The following ZNF74 variants were observed in gnomAD, a reference collection of about 807,000 sequenced individuals.
The protein encoded by ZNF74 is zinc finger protein 520.
ZNF74 carries 12 observed loss-of-function variants against 17.7 expected under a neutral mutation model. That is an observed-to-expected ratio of 0.68 (90% CI 0.43 to 1.10). The LOEUF is 1.10. Among genes scored for constraint, ZNF74 ranks in the 50% least tolerant of loss-of-function variants. ZNF74 has a pLI of 0.00. For synonymous variants in ZNF74, 358 were observed against 362.1 expected (o/e 0.99, Z 0.13); for missense variants, 811 against 881.0 (o/e 0.92, Z 1.01).
chr22:20,400,359 C>G (rs754150502), intron 2 of ZNF74: 15 of 446,844 alleles, frequency 3.4e-5, no homozygotes, highest in Non-Finnish European at 5.8e-5. Flanking sequence ...GCCCCTGGGT[C>G]CCACCGCAAG....
chr22:20,402,584 C>T (rs1329923905), intron 4 of ZNF74, among the ~76,000 whole-genome samples: 1 of 151,950 alleles, frequency 6.6e-6, no homozygotes, highest in Non-Finnish European at 1.5e-5. Context: ...GGCAGATCAC[C>T]TGAGGTCAGG....
intron 2 of ZNF74, 101 bp from the exon 3 acceptor site, chr22:20,400,531 G>C: frequency 6.9e-7 from 1 of 1,457,760 alleles, no homozygotes; most frequent in South Asian, 1.1e-5. Flanking sequence ...AAGGTCACCT[G>C]AGGTTAACCC....
intron 2 of ZNF74, among the ~76,000 whole-genome samples, chr22:20,397,602 A>T (rs903585057): frequency 6.6e-6 from 1 of 152,028 alleles, no homozygotes; most frequent in Non-Finnish European, 1.5e-5. Context: ...CTCTTTAAGG[A>T]TTTCATATGG....
At chr22:20,398,810 G>A (rs547669001) in intron 2 of ZNF74, among the ~76,000 whole-genome samples, 9 of 130,134 alleles carry the variant, frequency 6.9e-5, no homozygotes, top group Admixed American at 2.3e-4. Context: ...AGCATTCAGC[G>A]TTGTAAATTT....
intron 2 of ZNF74, chr22:20,399,447 T>C (rs748667544): frequency 3.8e-5 from 9 of 239,488 alleles, no homozygotes; most frequent in Non-Finnish European, 6.7e-5. Context: ...AACCTATCTT[T>C]GTATGTAAAG....
At chr22:20,395,465 T>C (rs1569090459) in intron 2 of ZNF74, 47 bp downstream of exon 2, 1 of 1,440,276 alleles carries the variant, frequency 6.9e-7, no homozygotes, top group East Asian at 2.3e-5. Flanking sequence ...GGTTGGCACA[T>C]TCCCTCCCCA....
chr22:20,398,357 C>A (rs362244), intron 2 of ZNF74, among the ~76,000 whole-genome samples: 3 of 149,324 alleles, frequency 2.0e-5, no homozygotes, highest in Admixed American at 6.7e-5. Flanking sequence ...TCGGAGTTAC[C>A]AAGCATTGAG....
At position 20,400,694 on chromosome 22, in the gene ZNF74, C is replaced by T. The variant is rs779966901; in HGVS notation, c.183C>T (p.Asp61=). The change falls in exon 3 of 5, where the codon GAC becomes GAT. Residue 61 remains aspartate, a synonymous_variant. Coordinates refer to ENST00000400451, the MANE Select transcript of ZNF74 (RefSeq NM_003426.4). ...CCCAGGAGGAGTGGGGTCAACTAGA[C>T]TCCCCTCAGAGGGCCTTGTACCGGG... is the stretch of plus-strand genomic sequence containing the variant. ...DFTQEEWGQL[D]SPQRALYRDV... The T allele has an allele frequency of 1.2e-6, 2 of 1,614,144 alleles. No homozygotes were observed. Among genetic ancestry groups the T allele is most frequent in the East Asian group, 2.2e-5 (1 of 44,864 alleles).
chr22:20,402,568 G>A (rs192933122), intron 4 of ZNF74, among the ~76,000 whole-genome samples: 5 of 152,132 alleles, frequency 3.3e-5, no homozygotes, highest in East Asian at 3.9e-4. Flanking sequence ...TTGGGAGGCC[G>A]AGGCAGGCAG....
chr22:20,406,045 GAGA>G lies in ZNF74; in HGVS notation c.1015_1017del (p.Lys339del), dbSNP rs2052419587. The G allele has an allele frequency of 6.2e-7, 1 of 1,613,352 alleles. No individual in the cohort carries two copies. The highest frequency in any genetic ancestry group is 2.2e-5 in the East Asian group (1 of 44,840). ...GCGGCCCTACAAGTGCAGCGCCTGC[GAGA>G]AGGCCTTCAGCTGCAGCTCGCTGCT... On this transcript the variant is annotated inframe_deletion, in exon 5 of 5. Coordinates refer to ENST00000400451, the MANE Select transcript of ZNF74 (RefSeq NM_003426.4).
chr22:20,397,355 C>T (rs2052306771), intron 2 of ZNF74, among the ~76,000 whole-genome samples: 2 of 152,220 alleles, frequency 1.3e-5, no homozygotes, highest in African/African-American at 4.8e-5. Flanking sequence ...ACCTCCTCAT[C>T]TGAAATCCAG....
intron 2 of ZNF74, among the ~76,000 whole-genome samples, chr22:20,397,659 T>A (rs910550554): frequency 6.6e-6 from 1 of 152,264 alleles, no homozygotes; most frequent in Non-Finnish European, 1.5e-5. Context: ...TCGCTTAGCA[T>A]ATGCTTTTGA....
At position 20,405,699 on chromosome 22, in the gene ZNF74, C is replaced by G. The variant is rs772866384; in HGVS notation, c.666C>G (p.Asn222Lys). 7.5e-6 allele frequency: 12 copies of G among 1,605,276 alleles called. No homozygotes were observed. The highest frequency in any genetic ancestry group is 1.0e-5 in the Non-Finnish European group (12 of 1,176,160). ...KAPARLCAGE[N>K]ASTPSEPEKF... ...CCGCGAGACTGTGTGCAGGGGAAAA[C>G]GCCTCCACGCCAAGTGAGCCAGAAA... The change falls in exon 5 of 5, where the codon AAC becomes AAG. Residue 222 changes from asparagine to lysine, a missense_variant. By Grantham distance (94) the Asn-to-Lys change is moderately conservative. Around this residue, in one of 3 missense-constraint regions of ZNF74, gnomAD observed 666 missense variants for 702.3 expected, o/e 0.95. Coordinates refer to ENST00000400451, the MANE Select transcript of ZNF74 (RefSeq NM_003426.4).
At chr22:20,398,052 C>T (rs1442469461) in intron 2 of ZNF74, among the ~76,000 whole-genome samples, 1 of 152,186 alleles carries the variant, frequency 6.6e-6, no homozygotes, top group Non-Finnish European at 1.5e-5. Context: ...GGTGCAGTGG[C>T]TCACGCCTGT....
chr22:20,394,637 C>T lies in ZNF74; in HGVS notation c.9C>T (p.Ile3=), dbSNP rs751444544. 6.2e-7 allele frequency: 1 copy of T among 1,614,172 alleles called. No individual in the cohort carries two copies. Among genetic ancestry groups the T allele is most frequent in the Admixed American group, 1.7e-5 (1 of 60,032 alleles). Residue 3 remains isoleucine, a synonymous_variant, in exon 1 of 5, where the codon ATC becomes ATT. Transcript: ENST00000400451. ME[I]PAPEPEKTAL... The stretch of plus-strand genomic sequence containing the variant: ...AGGCTGCCGTGGAGGCCATGGAGAT[C>T]CCTGCCCCGGAGCCCGAGAAGACAG...
At chr22:20,402,504 T>C (rs1017325144) in intron 4 of ZNF74, among the ~76,000 whole-genome samples, 1 of 113,252 alleles carries the variant, frequency 8.8e-6, no homozygotes, top group Non-Finnish European at 1.7e-5. Context: ...GCGGATAGAC[T>C]TCTAAAGCTA....
chr22:20,398,279 T>A (rs1479269162), intron 2 of ZNF74, among the ~76,000 whole-genome samples: 1 of 149,130 alleles, frequency 6.7e-6, no homozygotes, highest in Non-Finnish European at 1.5e-5. Context: ...ATTGCACCAC[T>A]GTACTCCAGC....
In ZNF74 at chr22:20,407,422, C is replaced by T. The variant is rs529008552; in HGVS notation, c.*454C>T. On this transcript the variant is annotated 3_prime_UTR_variant, in exon 5 of 5. Coordinates refer to ENST00000400451, the MANE Select transcript of ZNF74 (RefSeq NM_003426.4). ...AAATGCAAAAATTAGCCAGATGTGG[C>T]GGCATGTCCCTGTGGTCCCAGCTAC... 8.9e-5 allele frequency: 15 copies of T among 169,002 alleles called. No homozygotes were observed. Among genetic ancestry groups the T allele is most frequent in the Admixed American group, 7.3e-4 (13 of 17,864 alleles). 10.5% of individuals were successfully genotyped at this position (169,002 alleles called of 1,614,324 possible).
Position 20,406,370 on chromosome 22 carries a change from G to T in ZNF74, c.1337G>T (p.Cys446Phe). ...RTHTGEKPFKCADCGKGFSCH... is the reference protein window; with the variant it reads ...RTHTGEKPFKFADCGKGFSCH... ...CACACGGGCGAGAAGCCCTTCAAGT[G>T]CGCCGACTGCGGGAAGGGCTTCAGC... Residue 446 changes from cysteine to phenylalanine, a missense_variant, in exon 5 of 5, where the codon TGC becomes TTC. Cys to Phe is a radical substitution (Grantham distance 205). Coordinates refer to ENST00000400451, the MANE Select transcript of ZNF74 (RefSeq NM_003426.4). 1 of 1,613,560 alleles carries T rather than the reference G, an allele frequency of 6.2e-7. No individual in the cohort carries two copies. Among genetic ancestry groups the T allele is most frequent in the Non-Finnish European group, 8.5e-7 (1 of 1,179,892 alleles).
Sources: allele counts gnomAD v4.1 joint callset (sites outside exome capture counted in the v4.1 genomes callset), GRCh38; gene constraint gnomAD v4.1.1; regional missense constraint gnomAD v4.1.1; transcripts MANE v1.5; gene names NCBI Gene and HGNC (gene_info 2026-07-23, HGNC 2026-07-21).